The following SPPL2B variants were observed in gnomAD, a reference collection of about 807,000 sequenced individuals.
SPPL2B encodes signal peptide peptidase-like 2B.
A neutral mutation model predicts 59.7 loss-of-function variants in SPPL2B; 39 were observed. That is an observed-to-expected ratio of 0.65 (90% confidence interval 0.51 to 0.85). The LOEUF (loss-of-function observed/expected upper bound fraction) is 0.85. SPPL2B is among the 40% of genes least tolerant of loss of function. SPPL2B has a pLI of 0.00. For synonymous variants in SPPL2B, 419 were observed against 370.8 expected, an observed-to-expected ratio of 1.13 and a Z score of -1.49; for missense variants, 865 against 849.0, an observed-to-expected ratio of 1.02 and a Z score of -0.23.
At chr19:2,341,330 TC>T in intron 8 of SPPL2B, 1 of 551,628 alleles carries the variant, frequency 1.8e-6, no homozygotes, top group South Asian at 1.5e-5. Context: ...CCACAGTCTG[TC>T]CCCCGCTGTC....
At chr19:2,350,690 G>A (rs1467203003) in intron 13 of SPPL2B, among the ~76,000 whole-genome samples, 2 of 152,254 alleles carry the variant, frequency 1.3e-5, no homozygotes, top group African/African-American at 4.8e-5. Flanking sequence ...AATGCCATGC[G>A]ACAGCCATTG....
chr19:2,333,065 G>T (rs1324335849), intron 1 of SPPL2B, among the ~76,000 whole-genome samples: 1 of 76,896 alleles, frequency 1.3e-5, no homozygotes, highest in Admixed American at 1.2e-4. Flanking sequence ...GGTGTGGGCG[G>T]CTGGACTAGA....
rs1969183356 is a variant in SPPL2B, at chr19:2,343,602, T to C, written c.1038+310T>C. On this transcript the variant is annotated intron_variant, in intron 9 of 14. Transcript: ENST00000613503. ...TCAGGTGGTACCGGGAGTGCGGGGA[T>C]GTTGTCAAGCCCCAGGCGGCTGCAC... is the stretch of plus-strand genomic sequence containing the variant. 2.0e-5 allele frequency among the ~76,000 whole-genome samples: 3 copies of C among 152,118 alleles called. No homozygotes were observed. The South Asian group carries it at 6.2e-4, about 32-fold the overall frequency.
intron 3 of SPPL2B, 194 bp from the exon 4 acceptor site, chr19:2,338,558 C>T (rs765602722): frequency 7.9e-5 from 43 of 547,170 alleles, no homozygotes; most frequent in African/African-American, 2.3e-4. Flanking sequence ...AGGCTTGATG[C>T]CCTTCGGCCT....
At chr19:2,341,679 C>A in intron 8 of SPPL2B, 1 of 429,606 alleles carries the variant, frequency 2.3e-6, no homozygotes, top group South Asian at 1.6e-5. Context: ...TGTATTGGAG[C>A]CACGGCACGT....
chr19:2,348,996 A>G (rs1422094834), intron 13 of SPPL2B, among the ~76,000 whole-genome samples: 6 of 97,822 alleles, frequency 6.1e-5, no homozygotes, highest in African/African-American at 1.9e-4. Context: ...ACACACACTC[A>G]CGCTCTCATT....
intron 3 of SPPL2B, 90 bp from the exon 4 acceptor site, chr19:2,338,662 G>A (rs930705165): frequency 3.5e-6 from 3 of 855,840 alleles, no homozygotes; most frequent in African/African-American, 3.4e-5. Context: ...CTCGAGTGAG[G>A]GTCCCAGGAG....
intron 7 of SPPL2B, 149 bp downstream of exon 7, chr19:2,340,321 G>A: frequency 2.9e-6 from 2 of 678,454 alleles, no homozygotes; most frequent in South Asian, 1.9e-5. Flanking sequence ...CCTAGGCCCA[G>A]GAGCAGGGCG....
intron 3 of SPPL2B, chr19:2,337,850 T>G: frequency 1.9e-6 from 1 of 522,188 alleles, no homozygotes; most frequent in Non-Finnish European, 3.3e-6. Flanking sequence ...TGGCTGGGGC[T>G]GTGGAACTTT....
chr19:2,337,236 T>C, intron 2 of SPPL2B: 1 of 492,806 alleles, frequency 2.0e-6, no homozygotes, highest in Admixed American at 3.8e-5. Context: ...CCGGCCCCGC[T>C]CAGATGAGGC....
chr19:2,352,301 C>A (rs535620405), intron 14 of SPPL2B, among the ~76,000 whole-genome samples: 1 of 152,276 alleles, frequency 6.6e-6, no homozygotes, highest in East Asian at 1.9e-4. Flanking sequence ...CATGACCGCC[C>A]AGGGAGCAGC....
chr19:2,329,893 C>G (rs1011534065), intron 1 of SPPL2B, among the ~76,000 whole-genome samples: 5 of 152,212 alleles, frequency 3.3e-5, no homozygotes, highest in African/African-American at 1.2e-4. Flanking sequence ...CCCCTGGTCT[C>G]TGCAAGGCTG....
intron 1 of SPPL2B, 48 bp downstream of exon 1, chr19:2,328,823 G>T: frequency 7.5e-7 from 1 of 1,327,674 alleles, no homozygotes; most frequent in Non-Finnish European, 9.6e-7. Context: ...CGGCCCTTCG[G>T]CCTCTCTGTC....
chr19:2,336,782 C>G (rs1037833454), intron 2 of SPPL2B, among the ~76,000 whole-genome samples: 1 of 146,014 alleles, frequency 6.8e-6, no homozygotes, highest in Non-Finnish European at 1.5e-5. Context: ...TGCACTCCAG[C>G]CTGGCTGTGG....
At chr19:2,340,000 G>C in intron 6 of SPPL2B, 34 bp downstream of exon 6, 1 of 1,554,048 alleles carries the variant, frequency 6.4e-7, no homozygotes, top group Middle Eastern at 1.7e-4. Flanking sequence ...CCGCGGCGTG[G>C]AGATGCAGCC....
chr19:2,348,088 ATG>A (rs1568449812), intron 13 of SPPL2B, among the ~76,000 whole-genome samples: 2 of 44,884 alleles, frequency 4.5e-5, no homozygotes, highest in Non-Finnish European at 4.3e-5. Flanking sequence ...ACACACACTC[ATG>A]CGCTGTCATT....
intron 13 of SPPL2B, among the ~76,000 whole-genome samples, chr19:2,350,965 A>C (rs564978456): frequency 6.6e-6 from 1 of 152,246 alleles, no homozygotes; most frequent in Non-Finnish European, 1.5e-5. Context: ...TTTGACCCCA[A>C]ACATTTCACT....
intron 8 of SPPL2B, 68 bp from the exon 9 acceptor site, chr19:2,343,142 TC>T: frequency 1.5e-6 from 2 of 1,293,006 alleles, no homozygotes; most frequent in South Asian, 2.5e-5. Context: ...CCTGTGTGGC[TC>T]GTGGGAGGCG....
At chr19:2,337,674 G>T (rs760700456) in intron 3 of SPPL2B, 49 bp downstream of exon 3, 6 of 1,489,314 alleles carry the variant, frequency 4.0e-6, no homozygotes, top group Non-Finnish European at 5.4e-6. Flanking sequence ...GGGCAGGAGG[G>T]GGGTGCAGGA....
Sources: gnomAD v4.1 joint callset for allele counts (sites outside exome capture counted in the v4.1 genomes callset) on GRCh38, gnomAD v4.1.1 for gene constraint, MANE v1.5 for transcripts, NCBI Gene and HGNC (gene_info 2026-07-23, HGNC 2026-07-21) for gene names.